The following SLC13A4 variants were observed in gnomAD, a reference collection of about 807,000 sequenced individuals.
SLC13A4 encodes the protein solute carrier family 13 member 4, also known as Na(+)/sulfate cotransporter SUT-1.
Under a neutral mutation model 72.7 loss-of-function variants are expected in SLC13A4, and 28 were observed. The observed-to-expected ratio is 0.39, with a 90% confidence interval of 0.29 to 0.53. SLC13A4 has a LOEUF of 0.53. Ranked by LOEUF, SLC13A4 falls within the 20% of genes least tolerant of loss-of-function variation. The pLI is 0.78. For missense variants in SLC13A4, 653 were observed against 788.0 expected, an observed-to-expected ratio of 0.83 and a Z score of 2.05; for synonymous variants, 312 against 325.5, an observed-to-expected ratio of 0.96 and a Z score of 0.45.
chr7:135,683,742 T>G, intron 15 of SLC13A4: 1 of 985,406 alleles, frequency 1.0e-6, no homozygotes, highest in Non-Finnish European at 1.2e-6. Context: ...GTTCATACAC[T>G]TCCTCATTCT....
At chr7:135,714,537 G>A (rs1037248611) in intron 2 of SLC13A4, among the ~76,000 whole-genome samples, 2 of 152,198 alleles carry the variant, frequency 1.3e-5, no homozygotes, top group Admixed American at 1.3e-4. Context: ...CCCTGGGGCT[G>A]CGTCTGGGTG....
chr7:135,685,657 C>G lies in SLC13A4; in HGVS notation c.1473G>C (p.Gly491=). 6.2e-7 allele frequency: 1 copy of G among 1,614,126 alleles called. No homozygotes were observed. The highest frequency in any genetic ancestry group is 8.5e-7 in the Non-Finnish European group (1 of 1,180,002). ...SKSSGLSTWI[G]NQMLSLSSLP... ...GGCTGCTCAGGGACAACATCTGGTT[C>G]CCAATCCATGTAGAGAGGCCAGAGC... Residue 491 remains glycine, a synonymous_variant, in exon 14 of 16, where the codon GGG becomes GGC. Transcript: ENST00000682651.
At chr7:135,701,646 T>C (rs772178227) in intron 7 of SLC13A4, 34 bp downstream of exon 7, 51 of 1,600,970 alleles carry the variant, frequency 3.2e-5, no homozygotes, top group Non-Finnish European at 4.3e-5. Context: ...GCGTTTCATG[T>C]AGGAAACAGA....
At position 135,695,338 on chromosome 7, in the gene SLC13A4, G is replaced by C. The variant is rs375266318; in HGVS notation, c.1019+30C>G. Reference sequence around the variant, plus strand: ...CCTTTGGATCAACAGGGGGGCTTCAGTGCTTTGCTGAAAGGGCCCTGGAAC... The same window carrying C: ...CCTTTGGATCAACAGGGGGGCTTCACTGCTTTGCTGAAAGGGCCCTGGAAC... On this transcript the variant is annotated intron_variant, in intron 9 of 15. Transcript: ENST00000682651. The C allele has an allele frequency of 7.4e-6, 12 of 1,613,000 alleles. No homozygotes were observed. In the East Asian group the frequency reaches 1.1e-4, roughly 15 times the overall value.
intron 4 of SLC13A4, chr7:135,705,888 G>A (rs1249721290): frequency 1.8e-6 from 1 of 564,132 alleles, no homozygotes; most frequent in Non-Finnish European, 3.1e-6. Context: ...GCATTTGGGG[G>A]AAAAGAGCCC....
intron 2 of SLC13A4, among the ~76,000 whole-genome samples, chr7:135,709,431 A>ATTTTTTTTT (rs879324449): frequency 1.4e-5 from 1 of 70,916 alleles, no homozygotes; most frequent in Non-Finnish European, 3.3e-5. Context: ...TTTTTAAAAA[A>ATTTTTTTTT]AAATTTGAGA....
At chr7:135,719,787 GTGTGTGTGTGTGTGTA>G (rs1796503556) in intron 2 of SLC13A4, among the ~76,000 whole-genome samples, 2 of 138,624 alleles carry the variant, frequency 1.4e-5, no homozygotes, top group South Asian at 4.6e-4. Context: ...CCACATGTGT[GTGTGTGTGTGTGTGTA>G]TGTGTGTGTG....
intron 7 of SLC13A4, 42 bp downstream of exon 7, chr7:135,701,638 G>A (rs745574191): frequency 3.9e-5 from 62 of 1,591,540 alleles, no homozygotes; most frequent in Middle Eastern, 1.7e-4. Flanking sequence ...AGTTCACAGC[G>A]TTTCATGTAG....
At position 135,691,156 on chromosome 7, in the gene SLC13A4, T is replaced by A; in HGVS notation, c.1446+45A>T. ...TCCAGCCTGGGTGACAGAGCAAGAC[T>A]GTCTCAAAAAAAAAAACCCCAAAAA... On this transcript the variant is annotated intron_variant, in intron 13 of 15. Coordinates refer to ENST00000682651, the MANE Select transcript of SLC13A4 (RefSeq NM_001318192.2). 5 of 1,529,460 alleles carry A rather than the reference T, an allele frequency of 3.3e-6. No homozygotes were observed. The South Asian group carries it at 6.0e-5, about 18-fold the overall frequency. The allele number at this position is 1,529,460 out of a possible 1,614,324, so 94.7% of individuals were successfully genotyped here.
intron 5 of SLC13A4, chr7:135,704,479 AG>A (rs1483011362): frequency 1.3e-5 from 2 of 152,306 alleles, no homozygotes; most frequent in Non-Finnish European, 2.9e-5. Flanking sequence ...AGCCCAGAAA[AG>A]TCAGAAGCAG....
At chr7:135,700,871 A>G (rs1367486993) in intron 7 of SLC13A4, among the ~76,000 whole-genome samples, 1 of 152,142 alleles carries the variant, frequency 6.6e-6, no homozygotes, top group African/African-American at 2.4e-5. Flanking sequence ...GCTGGTCTTG[A>G]ATTCCTGAGC....
At chr7:135,717,438 C>G (rs1385229620) in intron 2 of SLC13A4, among the ~76,000 whole-genome samples, 1 of 152,148 alleles carries the variant, frequency 6.6e-6, no homozygotes, top group East Asian at 1.9e-4. Context: ...CTAGAACATC[C>G]CCTCTTGAGG....
At chr7:135,694,111 A>G in intron 10 of SLC13A4, 26 bp downstream of exon 10, 1 of 1,345,536 alleles carries the variant, frequency 7.4e-7, no homozygotes, top group Non-Finnish European at 1.1e-6. Flanking sequence ...CTGGAGAAGG[A>G]GGGAAGAGGA....
chr7:135,718,088 C>CACACACACACACACACACACGT (rs754511549), intron 2 of SLC13A4, among the ~76,000 whole-genome samples: 15,096 of 149,460 alleles, frequency 0.1, 840 homozygotes, highest in South Asian at 0.12. Context: ...CACACACACA[C>CACACACACACACACACACACGT]GCGCGCGCGC....
At chr7:135,699,634 C>A (rs946146252) in intron 7 of SLC13A4, 86 bp from the exon 8 acceptor site, 13 of 1,248,138 alleles carry the variant, frequency 1.0e-5, no homozygotes, top group South Asian at 1.8e-5. Flanking sequence ...CATGGTACAG[C>A]GGAAAGGGTT....
chr7:135,706,434 G>T, intron 3 of SLC13A4, 134 bp from the exon 4 acceptor site: 1 of 859,204 alleles, frequency 1.2e-6, no homozygotes, highest in Non-Finnish European at 1.7e-6. Flanking sequence ...TGTCCTGCAG[G>T]GTGCCATTCA....
Position 135,681,588 on chromosome 7 carries a change from A to G in SLC13A4, c.1859T>C (p.Val620Ala). Residue 620 changes from valine to alanine, a missense_variant, in exon 16 of 16, where the codon GTC becomes GCC. Transcript: ENST00000682651. ...TTAGGCTTGATCAGTGATGTTGCTG[A>G]CCCTCGCCCATGCTGGGTAAGTGTC... ...HLDTYPAWAR[V>A]SNITDQA The G allele has an allele frequency of 6.2e-7, 1 of 1,613,836 alleles. No individual in the cohort carries two copies. Among genetic ancestry groups the G allele is most frequent in the Middle Eastern group, 1.7e-4 (1 of 6,054 alleles).
At chr7:135,699,327 G>A (rs1795977970) in intron 8 of SLC13A4, 37 bp downstream of exon 8, 4 of 1,563,070 alleles carry the variant, frequency 2.6e-6, no homozygotes, top group Admixed American at 1.8e-5. Context: ...ACACAGTGGT[G>A]GTTAGTAAAT....
intron 10 of SLC13A4, 48 bp downstream of exon 10, chr7:135,694,089 G>A: frequency 1.8e-6 from 2 of 1,136,524 alleles, no homozygotes; most frequent in South Asian, 2.5e-5. Context: ...CACTTTACCT[G>A]CTGTGTTTCT....
Sources: allele counts gnomAD v4.1 joint callset (sites outside exome capture counted in the v4.1 genomes callset), GRCh38; gene constraint gnomAD v4.1.1; transcripts MANE v1.5; gene names NCBI Gene and HGNC (gene_info 2026-07-23, HGNC 2026-07-21).